Variants in NQO1 observed in about 807,000 individuals in gnomAD.
NQO1 encodes the protein NAD(P)H quinone dehydrogenase 1, also known as NAD(P)H dehydrogenase [quinone] 1.
NQO1 carries 30 observed loss-of-function variants against 32.1 expected under a neutral mutation model. That is an observed-to-expected ratio of 0.94 (90% confidence interval 0.70 to 1.27). The LOEUF is 1.27. Among genes scored for constraint, NQO1 ranks in the 50% most tolerant of loss-of-function variants. The pLI is 0.00. For missense variants in NQO1, 276 were observed against 331.3 expected (o/e 0.83, Z 1.30); for synonymous variants, 109 against 119.7 (o/e 0.91, Z 0.59).
rs2038147706 is a variant in NQO1 at position 69,718,531 on chromosome 16, C to G, written c.11G>C (p.Arg4Thr). The G allele has an allele frequency of 1.2e-6, 2 of 1,613,548 alleles. No individual in the cohort carries two copies. The highest frequency in any genetic ancestry group is 4.5e-5 in the East Asian group (2 of 44,886). The change falls in exon 2 of 6, where the codon AGA becomes ACA. Residue 4 changes from arginine (R) to threonine (T), a missense_variant. Coordinates refer to ENST00000320623, the MANE Select transcript of NQO1 (RefSeq NM_000903.3). ...GTGAGCCAGTACGATCAGTGCTCTT[C>G]TGCCTACAGAGACACACACAAAGCA... MVG[R>T]RALIVLAHSE... is the part of the protein sequence containing the mutation.
At position 69,713,058 on chromosome 16, in the gene NQO1, C is replaced by T. The variant is rs1211969516; in HGVS notation, c.489G>A (p.Gly163=). 1 of 1,613,932 alleles carries T rather than the reference C, an allele frequency of 6.2e-7. No individual in the cohort carries two copies. The highest frequency in any genetic ancestry group is 1.3e-5 in the African/African-American group (1 of 75,010). The change falls in exon 5 of 6, where the codon GGG becomes GGA. Residue 163 remains glycine (G), a synonymous_variant. Transcript: ENST00000320623. ...TTGGCCAGAGAATGACATTCATGTC[C>T]CCGTGGATCCCTTGCAGAGAGTACA... ...GSMYSLQGIH[G]DMNVILWPIQ... is the part of the protein sequence containing the mutation.
At position 69,710,085 on chromosome 16, in the gene NQO1, C is replaced by A. The variant is rs2038017946; in HGVS notation, c.*891G>T. ...TGGTGGATCACGCCTGTAATCCCAG[C>A]ACTTTGGGAGGCTGAGGTAGGCGGA... On this transcript the variant is annotated 3_prime_UTR_variant, in exon 6 of 6. Coordinates refer to ENST00000320623, the MANE Select transcript of NQO1 (RefSeq NM_000903.3). The A allele has an allele frequency of 4.0e-6, 1 of 250,192 alleles. No individual in the cohort carries two copies. The highest frequency in any genetic ancestry group is 2.2e-5 in the African/African-American group (1 of 44,946). The allele number at this position is 250,192 out of a possible 1,614,324, so 15.5% of individuals were successfully genotyped here.
rs1391944135 is a variant in NQO1 at position 69,713,106 on chromosome 16, G to A, written c.441C>T (p.Ile147=). Residue 147 remains isoleucine, a synonymous_variant, in exon 5 of 6, where the codon ATC becomes ATT. Transcript: ENST00000320623. ...ACATGGAGCCACTGCCACCAGTGGT[G>A]ATGGAAAGCACTGCCTTCTTACTCT... ...PFRSKKAVLS[I]TTGGSGSMYS... 5 of 1,613,836 alleles carry A rather than the reference G, an allele frequency of 3.1e-6. No homozygotes were observed. The highest frequency in any genetic ancestry group is 2.7e-5 in the African/African-American group (2 of 74,940).
rs1367873000 is a variant in NQO1 at position 69,710,082 on chromosome 16, C to T, written c.*894G>A. The stretch of plus-strand genomic sequence containing the variant: ...GTGTGGTGGATCACGCCTGTAATCC[C>T]AGCACTTTGGGAGGCTGAGGTAGGC... On this transcript the variant is annotated 3_prime_UTR_variant, in exon 6 of 6. Coordinates refer to ENST00000320623, the MANE Select transcript of NQO1 (RefSeq NM_000903.3). 1 of 255,576 alleles carries T rather than the reference C, an allele frequency of 3.9e-6. No individual in the cohort carries two copies. The highest frequency in any genetic ancestry group is 2.2e-5 in the African/African-American group (1 of 45,108). The allele number at this position is 255,576 out of a possible 1,614,324, so 15.8% of individuals were successfully genotyped here.
At chr16:69,720,324 A>C (rs1221491874) in intron 1 of NQO1, among the ~76,000 whole-genome samples, 1 of 152,092 alleles carries the variant, frequency 6.6e-6, no homozygotes, top group Non-Finnish European at 1.5e-5. Context: ...TGACTCAAAA[A>C]GATATCCATG....
chr16:69,712,047 C>A (rs1342346065), intron 5 of NQO1, among the ~76,000 whole-genome samples: 1 of 152,110 alleles, frequency 6.6e-6, no homozygotes. Context: ...TAAGCCCACC[C>A]CAGGCTTCAG....
Position 69,713,147 on chromosome 16 carries a change from A to G in NQO1, c.418-18T>C. 6.3e-7 allele frequency: 1 copy of G among 1,590,850 alleles called. No individual in the cohort carries two copies. The highest frequency in any genetic ancestry group is 8.6e-7 in the Non-Finnish European group (1 of 1,160,352). On this transcript the variant is annotated intron_variant, in intron 4 of 5. Transcript: ENST00000320623. ...TTCTTACTCTGCAAAAGAAAAAGCAATAACAAACTTCACTTCCCTCCACAT... is the reference window on the plus strand; with the variant it reads ...TTCTTACTCTGCAAAAGAAAAAGCAGTAACAAACTTCACTTCCCTCCACAT...
At chr16:69,725,870 G>C (rs1192874955) in intron 1 of NQO1, among the ~76,000 whole-genome samples, 4 of 110,130 alleles carry the variant, frequency 3.6e-5, no homozygotes, top group Admixed American at 1.1e-4. Flanking sequence ...GCAAAACTCC[G>C]TCTCAAACAA....
chr16:69,713,666 AC>A (rs2038070619), intron 4 of NQO1, among the ~76,000 whole-genome samples: 1 of 150,290 alleles, frequency 6.7e-6, no homozygotes, highest in African/African-American at 2.5e-5. Flanking sequence ...TCGACCCATG[AC>A]CCCCTTTTTC....
At chr16:69,718,286 A>C in intron 2 of NQO1, 33 bp from the exon 3 acceptor site, 1 of 1,613,624 alleles carries the variant, frequency 6.2e-7, no homozygotes, top group Non-Finnish European at 8.5e-7. Flanking sequence ...CTGGGGCCAG[A>C]GGGGCCAAAG....
At chr16:69,720,451 A>C (rs1278800965) in intron 1 of NQO1, among the ~76,000 whole-genome samples, 1 of 152,120 alleles carries the variant, frequency 6.6e-6, no homozygotes, top group Non-Finnish European at 1.5e-5. Context: ...ATACAAAAAA[A>C]AAAGAAAAAA....
chr16:69,711,352 T>C, intron 5 of NQO1, 71 bp from the exon 6 acceptor site: 4 of 1,360,894 alleles, frequency 2.9e-6, no homozygotes, highest in Non-Finnish European at 4.0e-6. Context: ...CAACAGAAGT[T>C]GGTCTGGGCT....
intron 3 of NQO1, 190 bp downstream of exon 3, chr16:69,717,933 A>ACAGTAATAC (rs2038135514): frequency 2.4e-5 from 21 of 877,934 alleles, no homozygotes; most frequent in Non-Finnish European, 3.4e-5. Flanking sequence ...TTACACATGC[A>ACAGTAATAC]ACAGTAATAC....
intron 3 of NQO1, 173 bp downstream of exon 3, chr16:69,717,950 A>G: frequency 1.0e-6 from 1 of 988,650 alleles, no homozygotes; most frequent in Non-Finnish European, 1.5e-6. Flanking sequence ...ATACAGCCAG[A>G]TTCCCAATAT....
intron 1 of NQO1, among the ~76,000 whole-genome samples, 167 bp downstream of exon 1, chr16:69,726,266 C>T (rs1225759331): frequency 3.3e-5 from 5 of 152,188 alleles, no homozygotes; most frequent in Non-Finnish European, 5.9e-5. Flanking sequence ...AACAGAAGCT[C>T]TCCTTCTCCC....
chr16:69,722,451 C>T (rs1377256463), intron 1 of NQO1, among the ~76,000 whole-genome samples: 3 of 152,114 alleles, frequency 2.0e-5, no homozygotes, highest in African/African-American at 4.8e-5. Flanking sequence ...TGAGCCACCG[C>T]GCCCAGCCGG....
Position 69,710,926 on chromosome 16 carries a change from A to C in NQO1, c.*50T>G. 6.5e-7 allele frequency: 1 copy of C among 1,547,868 alleles called. No homozygotes were observed. Among genetic ancestry groups the C allele is most frequent in the Non-Finnish European group, 8.7e-7 (1 of 1,145,034 alleles). On this transcript the variant is annotated 3_prime_UTR_variant, in exon 6 of 6. Transcript: ENST00000320623. ...TAAAGCAAGTCAGGGAAGCCTGGAA[A>C]GATACCCAGATTTGATAACATGTTA...
In NQO1 at chr16:69,715,221, A is replaced by C. The variant is rs568924285; in HGVS notation, c.304-144T>G. The C allele has an allele frequency of 9.5e-4, 603 of 633,668 alleles. 1 individual carries two copies. Among genetic ancestry groups the C allele is most frequent in the Non-Finnish European group, 1.4e-3 (489 of 353,382 alleles). The allele number at this position is 633,668 out of a possible 1,614,324, so 39.3% of individuals were successfully genotyped here. A position where few individuals can be genotyped will look rare whatever the true frequency, so the allele number is the denominator to read the frequency against. ...TTCCCATTCCTCCTGGGGAGTTAGC[A>C]CTTTAAGGAAAGAGATCATTATTGT... is the stretch of plus-strand genomic sequence containing the variant. On this transcript the variant is annotated intron_variant, in intron 3 of 5. Transcript: ENST00000320623.
Position 69,710,863 on chromosome 16 carries a change from AT to A in NQO1, c.*112del. The stretch of plus-strand genomic sequence containing the variant: ...GAATACAGTCGATTCCCTCTCATTT[AT>A]TCCTTGTGGAAAAAGAAAAACACAA... On this transcript the variant is annotated 3_prime_UTR_variant, in exon 6 of 6. Transcript: ENST00000320623. 8.6e-7 allele frequency: 1 copy of A among 1,156,340 alleles called. No individual in the cohort carries two copies. Among genetic ancestry groups the A allele is most frequent in the Non-Finnish European group, 1.2e-6 (1 of 825,432 alleles). The allele number at this position is 1,156,340 out of a possible 1,614,324, so 71.6% of individuals were successfully genotyped here.
Sources: allele counts gnomAD v4.1 joint callset (sites outside exome capture counted in the v4.1 genomes callset), GRCh38; gene constraint gnomAD v4.1.1; transcripts MANE v1.5; gene names NCBI Gene and HGNC (gene_info 2026-07-23, HGNC 2026-07-21).